FBN2: variants seen among roughly 807,000 people sequenced by gnomAD.
FBN2 encodes the protein fibrillin 2.
In FBN2, 105 loss-of-function variants were observed where a neutral mutation model predicts 355.6. The observed-to-expected ratio is 0.30, with a 90% CI of 0.25 to 0.35. The LOEUF is 0.35. Ranked by LOEUF, FBN2 falls within the 10% of genes least tolerant of loss-of-function variation. FBN2 has a pLI of 1.00. For missense variants in FBN2, 3,280 were observed against 3,758.7 expected, an observed-to-expected ratio of 0.87 and a Z score of 3.33; for synonymous variants, 1,350 against 1,301.2, an observed-to-expected ratio of 1.04 and a Z score of -0.81.
At chr5:128,428,704 C>A (rs1435230987) in intron 7 of FBN2, among the ~76,000 whole-genome samples, 1 of 152,182 alleles carries the variant, frequency 6.6e-6, no homozygotes, top group African/African-American at 2.4e-5. Context: ...TCTCTTGCCT[C>A]TATAATGTAG....
At chr5:128,436,986 C>T (rs1753783595) in intron 7 of FBN2, among the ~76,000 whole-genome samples, 1 of 152,174 alleles carries the variant, frequency 6.6e-6, no homozygotes, top group Non-Finnish European at 1.5e-5. Flanking sequence ...CTCCAGCATG[C>T]TAACATTGCT....
At chr5:128,352,555 T>G (rs1751396571) in intron 20 of FBN2, among the ~76,000 whole-genome samples, 1 of 152,230 alleles carries the variant, frequency 6.6e-6, no homozygotes, top group East Asian at 1.9e-4. Context: ...TGATAAGGAA[T>G]CCAGTCAAAG....
intron 8 of FBN2, among the ~76,000 whole-genome samples, chr5:128,405,581 T>C (rs145178021): frequency 6.6e-6 from 1 of 152,182 alleles, no homozygotes; most frequent in Non-Finnish European, 1.5e-5. Flanking sequence ...TCTTTTCCAA[T>C]GCAGAACAAA....
intron 6 of FBN2, among the ~76,000 whole-genome samples, chr5:128,462,261 TG>T (rs1379430250): frequency 1.3e-5 from 2 of 152,208 alleles, no homozygotes; most frequent in African/African-American, 4.8e-5. Context: ...AAAAGATCAC[TG>T]TTTTTTTAAT....
chr5:128,470,335 G>C (rs528667503), intron 5 of FBN2, among the ~76,000 whole-genome samples: 1 of 152,174 alleles, frequency 6.6e-6, no homozygotes, highest in African/African-American at 2.4e-5. Flanking sequence ...AGCCACGTTG[G>C]AGAGAGTTAA....
Position 128,288,301 on chromosome 5 carries a change from AC to A in FBN2, c.6757+136del, listed in dbSNP as rs1749216515. ...GGAAAACTAAAAACCAACCAACCAA[AC>A]AAAAAACCCAAAAAACAAAAAACCC... On this transcript the variant is annotated intron_variant, in intron 53 of 64. Coordinates refer to ENST00000262464, the MANE Select transcript of FBN2 (RefSeq NM_001999.4). 4 of 945,956 alleles carry A rather than the reference AC, an allele frequency of 4.2e-6. No homozygotes were observed. In the Admixed American group the frequency reaches 1.0e-4, roughly 24 times the overall value. The allele number at this position is 945,956 out of a possible 1,614,324, so 58.6% of individuals were successfully genotyped here. A position where few individuals can be genotyped will look rare whatever the true frequency, so the allele number is the denominator to read the frequency against.
At chr5:128,444,069 T>A (rs866073505) in intron 7 of FBN2, among the ~76,000 whole-genome samples, 2 of 117,840 alleles carry the variant, frequency 1.7e-5, no homozygotes, top group Non-Finnish European at 3.7e-5. Flanking sequence ...TTTTTTTTTT[T>A]TTTTTTTTTT....
At chr5:128,349,289 A>G in intron 23 of FBN2, 58 bp downstream of exon 23, 1 of 1,610,396 alleles carries the variant, frequency 6.2e-7, no homozygotes, top group East Asian at 2.2e-5. Flanking sequence ...GCCACTGCTT[A>G]AACAAGGAAA....
chr5:128,399,914 A>C (rs1752753548), intron 8 of FBN2, among the ~76,000 whole-genome samples: 1 of 152,010 alleles, frequency 6.6e-6, no homozygotes, highest in African/African-American at 2.4e-5. Context: ...AAAAAATACA[A>C]AAAAAGTAAG....
chr5:128,468,142 T>G (rs1268092759), intron 5 of FBN2, among the ~76,000 whole-genome samples: 1 of 152,190 alleles, frequency 6.6e-6, no homozygotes, highest in Non-Finnish European at 1.5e-5. Flanking sequence ...CTAGTTTCTG[T>G]GACTATAAAT....
intron 41 of FBN2, among the ~76,000 whole-genome samples, chr5:128,307,577 G>T (rs1348647677): frequency 2.7e-5 from 4 of 150,644 alleles, no homozygotes; most frequent in Admixed American, 2.0e-4. Context: ...ATTGAAAAAG[G>T]AATTACAGAT....
At chr5:128,328,645 T>C (rs1354567403) in intron 34 of FBN2, 51 bp downstream of exon 34, 1 of 1,607,790 alleles carries the variant, frequency 6.2e-7, no homozygotes, top group Admixed American at 1.7e-5. Context: ...TGTGGTTTCA[T>C]TTACTGTGGT....
rs1405349452 is a variant in FBN2, at chr5:128,463,474, T to C, written c.826+1250A>G. ...TGATTAAATATAAAGTCGGTAAATGTTTTAGTTATATAGTCATCCCCTTGG... is the reference window on the plus strand; with the variant it reads ...TGATTAAATATAAAGTCGGTAAATGCTTTAGTTATATAGTCATCCCCTTGG... On this transcript the variant is annotated intron_variant, in intron 6 of 64. Coordinates refer to ENST00000262464, the MANE Select transcript of FBN2 (RefSeq NM_001999.4). 3.3e-5 allele frequency among the ~76,000 whole-genome samples: 5 copies of C among 152,148 alleles called. No homozygotes were observed. In the East Asian group the frequency reaches 9.6e-4, roughly 29 times the overall value.
intron 4 of FBN2, among the ~76,000 whole-genome samples, chr5:128,525,721 CA>C (rs1293101997): frequency 1.3e-5 from 2 of 152,166 alleles, no homozygotes; most frequent in African/African-American, 4.8e-5. Flanking sequence ...AAGGAATCTG[CA>C]AACTATGGCC....
intron 10 of FBN2, among the ~76,000 whole-genome samples, chr5:128,392,868 T>C (rs953531218): frequency 2.6e-5 from 4 of 152,162 alleles, no homozygotes; most frequent in Non-Finnish European, 5.9e-5. Flanking sequence ...AAGACCTGGG[T>C]CACACATTCT....
At chr5:128,289,006 A>G in intron 52 of FBN2, 121 bp downstream of exon 52, 3 of 982,870 alleles carry the variant, frequency 3.1e-6, no homozygotes, top group Non-Finnish European at 4.8e-6. Flanking sequence ...AGGTGCCACT[A>G]CTAGCTATTT....
In FBN2 at chr5:128,309,375, C is replaced by A. The variant is rs774411234; in HGVS notation, c.5225G>T (p.Arg1742Leu). The A allele has an allele frequency of 6.2e-7, 1 of 1,613,894 alleles. No homozygotes were observed. The highest frequency in any genetic ancestry group is 8.5e-7 in the Non-Finnish European group (1 of 1,179,856). Residue 1742 changes from arginine (R) to leucine (L), a missense_variant, in exon 41 of 65, where the codon CGA becomes CTA. This residue lies in a region of FBN2 where 2,284 missense variants were observed against 2,749.5 expected (regional missense o/e 0.83). Coordinates refer to ENST00000262464, the MANE Select transcript of FBN2 (RefSeq NM_001999.4). The part of the protein sequence containing the change: ...CMDMRKSFCY[R>L]SYNGTTCENE... ...CTCACAAGTGGTTCCATTATAGCTTCGGTAGCAAAAGCTTTTTCTCATGTC... is the reference window on the plus strand; with the variant it reads ...CTCACAAGTGGTTCCATTATAGCTTAGGTAGCAAAAGCTTTTTCTCATGTC...
intron 29 of FBN2, 29 bp from the exon 30 acceptor site, chr5:128,335,324 A>C: frequency 6.2e-7 from 1 of 1,614,044 alleles, no homozygotes; most frequent in South Asian, 1.1e-5. Flanking sequence ...CATCAAATGA[A>C]AATAAAAATG....
chr5:128,312,943 G>T lies in FBN2; in HGVS notation c.4718-148C>A, dbSNP rs925973414. 3.4e-6 allele frequency: 3 copies of T among 886,854 alleles called. No homozygotes were observed. The African/African-American group carries it at 4.9e-5, about 15-fold the overall frequency. 54.9% of individuals were successfully genotyped at this position (886,854 alleles called of 1,614,324 possible). A position where few individuals can be genotyped will look rare whatever the true frequency, so the allele number is the denominator to read the frequency against. ...ATCCTTAAGTACCAAGCAATCTCCT[G>T]CTTTTCAGCTTTTTCGAGATTGAGT... On this transcript the variant is annotated intron_variant, in intron 36 of 64. Transcript: ENST00000262464.
Sources: gnomAD v4.1 joint callset for allele counts (sites outside exome capture counted in the v4.1 genomes callset) on GRCh38, gnomAD v4.1.1 for gene constraint, gnomAD v4.1.1 regional missense constraint, MANE v1.5 for transcripts, NCBI Gene and HGNC (gene_info 2026-07-23, HGNC 2026-07-21) for gene names.